Variants in SHROOM3 observed in about 807,000 individuals in gnomAD.
SHROOM3 encodes protein Shroom3.
In SHROOM3, 47 loss-of-function variants were observed where a neutral mutation model predicts 138.6. That is an observed-to-expected ratio of 0.34 (90% CI 0.27 to 0.43). The LOEUF is 0.43. Ranked by LOEUF, SHROOM3 falls within the 20% of genes least tolerant of loss-of-function variation. The pLI is 1.00. For missense variants in SHROOM3, 2,491 were observed against 2,596.5 expected (o/e 0.96, Z 0.88); for synonymous variants, 1,062 against 1,063.3 (o/e 1.00, Z 0.02).
chr4:76,574,829 G>A (rs1733906415), intron 2 of SHROOM3, among the ~76,000 whole-genome samples: 1 of 152,268 alleles, frequency 6.6e-6, no homozygotes, highest in Non-Finnish European at 1.5e-5. Context: ...GGGGAGGGGA[G>A]ATTAGGGAGT....
At chr4:76,725,807 GA>G (rs1369850846) in intron 3 of SHROOM3, among the ~76,000 whole-genome samples, 10 of 152,182 alleles carry the variant, frequency 6.6e-5, no homozygotes, top group Admixed American at 6.5e-4. Flanking sequence ...CTGAGTGTTT[GA>G]ATCCCATCCC....
chr4:76,778,288 C>T (rs1722638298), intron 10 of SHROOM3, among the ~76,000 whole-genome samples: 1 of 150,364 alleles, frequency 6.7e-6, no homozygotes, highest in Admixed American at 6.6e-5. Flanking sequence ...AGTGGCACAT[C>T]TCGGCTCACT....
intron 2 of SHROOM3, among the ~76,000 whole-genome samples, chr4:76,667,015 T>C (rs1178533277): frequency 3.3e-5 from 5 of 152,210 alleles, no homozygotes; most frequent in Non-Finnish European, 7.3e-5. Context: ...ACAAGTTACC[T>C]AGAATAGTCA....
At chr4:76,441,872 G>A (rs532492269) in intron 1 of SHROOM3, among the ~76,000 whole-genome samples, 34 of 152,206 alleles carry the variant, frequency 2.2e-4, no homozygotes, top group African/African-American at 7.5e-4. Flanking sequence ...ACAGGCATGC[G>A]CCACCACACC....
In SHROOM3 at chr4:76,782,967, C is replaced by CA. The variant is rs921768672; in HGVS notation, c.*3793dup. 6.6e-6 allele frequency: 1 copy of CA among 152,140 alleles called. No individual in the cohort carries two copies. The highest frequency in any genetic ancestry group is 2.4e-5 in the African/African-American group (1 of 41,424). The allele number at this position is 152,140 out of a possible 1,614,324, so 9.4% of individuals were successfully genotyped here. A position where few individuals can be genotyped will look rare whatever the true frequency, so the allele number is the denominator to read the frequency against. ...ATTCAGAAACTAAATAATGGTTTCT[C>CA]AAAGTGTGGTCAGGATACGATCTGC... On this transcript the variant is annotated 3_prime_UTR_variant, in exon 11 of 11. Coordinates refer to ENST00000296043, the MANE Select transcript of SHROOM3 (RefSeq NM_020859.4).
At chr4:76,686,602 A>G (rs898515348) in intron 2 of SHROOM3, among the ~76,000 whole-genome samples, 4 of 152,160 alleles carry the variant, frequency 2.6e-5, no homozygotes, top group African/African-American at 2.4e-5. Flanking sequence ...CTGAAAAAAG[A>G]TACTCATTCT....
intron 2 of SHROOM3, among the ~76,000 whole-genome samples, chr4:76,639,815 C>A (rs1461208844): frequency 6.6e-6 from 1 of 152,136 alleles, no homozygotes; most frequent in Non-Finnish European, 1.5e-5. Context: ...ATGTTGACTG[C>A]CTCTTCCAGT....
intron 1 of SHROOM3, among the ~76,000 whole-genome samples, chr4:76,552,335 C>T (rs557519191): frequency 2.6e-4 from 39 of 150,748 alleles, no homozygotes; most frequent in East Asian, 7.8e-4. Context: ...AGCAAAAGCC[C>T]ATCTCTACAA....
intron 2 of SHROOM3, among the ~76,000 whole-genome samples, chr4:76,685,854 T>C (rs1200113967): frequency 1.2e-4 from 19 of 152,126 alleles, no homozygotes; most frequent in Admixed American, 1.2e-3. Context: ...GGTATGCACC[T>C]GTAATCCCAG....
At chr4:76,569,840 AC>A (rs1733800325) in intron 2 of SHROOM3, among the ~76,000 whole-genome samples, 1 of 152,072 alleles carries the variant, frequency 6.6e-6, no homozygotes, top group Admixed American at 6.6e-5. Flanking sequence ...ACAGATGCCA[AC>A]ACCCACTGAA....
intron 1 of SHROOM3, among the ~76,000 whole-genome samples, chr4:76,499,531 A>G (rs1172723025): frequency 6.6e-6 from 1 of 152,240 alleles, no homozygotes; most frequent in East Asian, 1.9e-4. Context: ...TCAGGGAAAC[A>G]AACATTTTTA....
At chr4:76,723,045 T>C (rs956038330) in intron 3 of SHROOM3, among the ~76,000 whole-genome samples, 3 of 151,836 alleles carry the variant, frequency 2.0e-5, no homozygotes, top group African/African-American at 7.3e-5. Flanking sequence ...ATGCAACATG[T>C]GTCATAACAG....
At chr4:76,637,331 C>T (rs997928519) in intron 2 of SHROOM3, among the ~76,000 whole-genome samples, 2 of 152,176 alleles carry the variant, frequency 1.3e-5, no homozygotes, top group Admixed American at 1.3e-4. Flanking sequence ...CTCTCTGTTT[C>T]CCGTTGTTTT....
intron 2 of SHROOM3, among the ~76,000 whole-genome samples, chr4:76,609,788 T>C (rs1167893343): frequency 6.6e-6 from 1 of 152,180 alleles, no homozygotes; most frequent in East Asian, 1.9e-4. Context: ...GTCTAGAATA[T>C]CATGTTTACA....
Position 76,555,017 on chromosome 4 carries a change from C to T in SHROOM3, c.169-592C>T, listed in dbSNP as rs114728326. 3.7e-3 allele frequency among the ~76,000 whole-genome samples: 567 copies of T among 151,450 alleles called. 1 individual carries two copies. Among genetic ancestry groups the T allele is most frequent in the African/African-American group, 0.013 (545 of 41,242 alleles). ...CTGAAGATCTGTCACTATCTCTCAT[C>T]GCCCCCAGTGGGACCATCTAGTTGC... On this transcript the variant is annotated intron_variant, in intron 1 of 10. Coordinates refer to ENST00000296043, the MANE Select transcript of SHROOM3 (RefSeq NM_020859.4).
At chr4:76,745,207 A>G (rs1173874264) in intron 5 of SHROOM3, among the ~76,000 whole-genome samples, 1 of 152,238 alleles carries the variant, frequency 6.6e-6, no homozygotes, top group African/African-American at 2.4e-5. Context: ...TAACCTGTTA[A>G]AAGTGGGTAG....
At chr4:76,685,135 A>G (rs776580325) in intron 2 of SHROOM3, among the ~76,000 whole-genome samples, 1 of 152,170 alleles carries the variant, frequency 6.6e-6, no homozygotes, top group African/African-American at 2.4e-5. Context: ...CAAACAATCT[A>G]TGTTTCAAGT....
At chr4:76,774,519 T>A (rs1722478616) in intron 10 of SHROOM3, among the ~76,000 whole-genome samples, 2 of 152,010 alleles carry the variant, frequency 1.3e-5, no homozygotes, top group South Asian at 4.2e-4. Context: ...ATGAAAAAAG[T>A]GTTCATATTA....
At chr4:76,653,865 A>G (rs1736012350) in intron 2 of SHROOM3, among the ~76,000 whole-genome samples, 1 of 152,142 alleles carries the variant, frequency 6.6e-6, no homozygotes, top group Admixed American at 6.6e-5. Context: ...CACCATGCTC[A>G]GCTCGTTCAT....
Sources: allele counts gnomAD v4.1 joint callset (sites outside exome capture counted in the v4.1 genomes callset), GRCh38; gene constraint gnomAD v4.1.1; transcripts MANE v1.5; gene names NCBI Gene and HGNC (gene_info 2026-07-23, HGNC 2026-07-21).